RAN: variants seen among roughly 807,000 people sequenced by gnomAD.
RAN encodes GTP-binding nuclear protein Ran.
Under a neutral mutation model 26.8 loss-of-function variants are expected in RAN, and 2 were observed. That is an observed-to-expected ratio of 0.07 (90% confidence interval 0.03 to 0.23). RAN has a LOEUF of 0.23. Among genes scored for constraint, RAN ranks in the 10% least tolerant of loss-of-function variants. The pLI is 1.00. For missense variants in RAN, 56 were observed against 264.8 expected, an observed-to-expected ratio of 0.21 and a Z score of 5.47; for synonymous variants, 132 against 95.9, an observed-to-expected ratio of 1.38 and a Z score of -2.20.
chr12:130,873,498 C>A, intron 4 of RAN: 1 of 241,420 alleles, frequency 4.1e-6, no homozygotes, highest in South Asian at 4.9e-5. Context: ...CAATAAACAC[C>A]AGATACTAGA....
In RAN at chr12:130,872,604, A is replaced by C. The variant is rs1210951858; in HGVS notation, c.11A>C (p.Gln4Pro). 6.6e-7 allele frequency: 1 copy of C among 1,524,646 alleles called. No homozygotes were observed. Among genetic ancestry groups the C allele is most frequent in the East Asian group, 2.4e-5 (1 of 41,386 alleles). The allele number at this position is 1,524,646 out of a possible 1,614,324, so 94.4% of individuals were successfully genotyped here. A position where few individuals can be genotyped will look rare whatever the true frequency, so the allele number is the denominator to read the frequency against. ...CGCAGGAACGCCGCGATGGCTGCGC[A>C]GGGAGAGCCCCAGGTCCAGTTCAAA... The part of the protein sequence containing the change: MAA[Q>P]GEPQVQFKLV... Residue 4 changes from glutamine (Q) to proline (P), a missense_variant, in exon 2 of 7, where the codon CAG becomes CCG. Coordinates refer to ENST00000543796, the MANE Select transcript of RAN (RefSeq NM_006325.5).
intron 4 of RAN, chr12:130,874,296 T>A (rs1953197384): frequency 4.8e-6 from 2 of 412,724 alleles, no homozygotes; most frequent in Admixed American, 4.2e-5. Context: ...CTTCAGATAC[T>A]TTTTTGGGAT....
Position 130,874,688 on chromosome 12 carries a change from A to G in RAN, c.390A>G (p.Lys130=). ...ACAAAGTGGATATTAAGGACAGGAA[A>G]GTGAAGGCGAAATCCATTGTCTTCC... The part of the protein sequence containing the change: ...CGNKVDIKDR[K]VKAKSIVFHR... Residue 130 remains lysine, a synonymous_variant, in exon 5 of 7, where the codon AAA becomes AAG. Coordinates refer to ENST00000543796, the MANE Select transcript of RAN (RefSeq NM_006325.5). The G allele has an allele frequency of 1.2e-6, 2 of 1,613,712 alleles. No individual in the cohort carries two copies. The highest frequency in any genetic ancestry group is 1.7e-6 in the Non-Finnish European group (2 of 1,179,756).
At chr12:130,875,305 C>G (rs920983406) in intron 5 of RAN, among the ~76,000 whole-genome samples, 1 of 152,110 alleles carries the variant, frequency 6.6e-6, no homozygotes, top group Non-Finnish European at 1.5e-5. Flanking sequence ...CACTGTAGCC[C>G]TGAACTCCTG....
intron 4 of RAN, 129 bp downstream of exon 4, chr12:130,873,257 C>T (rs541545656): frequency 1.5e-6 from 2 of 1,299,252 alleles, no homozygotes; most frequent in Non-Finnish European, 2.1e-6. Flanking sequence ...AAGTGGACTT[C>T]GGGGAGTTGA....
At position 130,873,133 on chromosome 12, in the gene RAN, G is replaced by A. The variant is rs764826691; in HGVS notation, c.247+5G>A. On this transcript the variant is annotated splice_donor_5th_base_variant and intron_variant, in intron 4 of 6. Transcript: ENST00000543796. ...GAGATGGCTATTATATCCAAGGTAG[G>A]CATTTGTAACTTGCTGAACGGTTTT... is the stretch of plus-strand genomic sequence containing the variant. 15 of 1,613,982 alleles carry A rather than the reference G, an allele frequency of 9.3e-6. No homozygotes were observed. Among genetic ancestry groups the A allele is most frequent in the East Asian group, 2.2e-5 (1 of 44,898 alleles).
intron 5 of RAN, 33 bp from the exon 6 acceptor site, chr12:130,875,579 T>A: frequency 6.6e-7 from 1 of 1,509,660 alleles, no homozygotes; most frequent in Non-Finnish European, 8.9e-7. Flanking sequence ...AATAATGAAT[T>A]TTAAAAAGTA....
At chr12:130,873,178 C>T (rs202101584) in intron 4 of RAN, 50 bp downstream of exon 4, 26 of 1,611,076 alleles carry the variant, frequency 1.6e-5, no homozygotes, top group South Asian at 2.2e-5. Context: ...TTGTGTACTT[C>T]AGTCTTCAAG....
intron 1 of RAN, 125 bp from the exon 2 acceptor site, chr12:130,872,459 C>A: frequency 5.7e-6 from 3 of 522,664 alleles, no homozygotes; most frequent in Non-Finnish European, 7.9e-6. Context: ...CAGGCCTGGC[C>A]GCCATGGCGC....
At chr12:130,874,469 A>G in intron 4 of RAN, 77 bp from the exon 5 acceptor site, 2 of 1,197,176 alleles carry the variant, frequency 1.7e-6, no homozygotes, top group Non-Finnish European at 1.2e-6. Flanking sequence ...AACTAGTTGA[A>G]TCCTAGTCTC....
At chr12:130,873,516 A>G in intron 4 of RAN, 1 of 204,146 alleles carries the variant, frequency 4.9e-6, no homozygotes, top group Admixed American at 5.3e-5. Flanking sequence ...AGACCAGAGG[A>G]GATAGGAGAT....
rs866022767 is a variant in RAN at position 130,876,671 on chromosome 12, A to G, written c.*745A>G. The G allele has an allele frequency of 6.6e-6, 1 of 152,250 alleles. No individual in the cohort carries two copies. The highest frequency in any genetic ancestry group is 1.5e-5 in the Non-Finnish European group (1 of 68,050). The allele number at this position is 152,250 out of a possible 1,614,324, so 9.4% of individuals were successfully genotyped here. ...AGGGTAATATTTTCTTTTATGGCAA[A>G]AGTAATCATGTTTTAATGTAGAACC... is the stretch of plus-strand genomic sequence containing the variant. On this transcript the variant is annotated 3_prime_UTR_variant, in exon 7 of 7. Transcript: ENST00000543796.
intron 4 of RAN, chr12:130,873,647 A>C (rs1162722235): frequency 6.2e-6 from 1 of 160,884 alleles, no homozygotes. Context: ...CATTGTACCA[A>C]AAAGAGGAAT....
Position 130,872,587 on chromosome 12 carries a change from C to T in RAN, c.-7C>T. The T allele has an allele frequency of 6.6e-7, 1 of 1,515,308 alleles. No homozygotes were observed. The highest frequency in any genetic ancestry group is 8.8e-7 in the Non-Finnish European group (1 of 1,135,664). 93.9% of individuals were successfully genotyped at this position (1,515,308 alleles called of 1,614,324 possible). ...CCTCCGTCCTCTGCCTCCGCAGGAA[C>T]GCCGCGATGGCTGCGCAGGGAGAGC... is the stretch of plus-strand genomic sequence containing the variant. On this transcript the variant is annotated 5_prime_UTR_variant, in exon 2 of 7. It adds an upstream start codon to the 5' untranslated region. Coordinates refer to ENST00000543796, the MANE Select transcript of RAN (RefSeq NM_006325.5).
At chr12:130,874,479 C>T in intron 4 of RAN, 67 bp from the exon 5 acceptor site, 2 of 1,310,942 alleles carry the variant, frequency 1.5e-6, no homozygotes, top group Non-Finnish European at 2.1e-6. Context: ...ATCCTAGTCT[C>T]TGGTTCTTAG....
Position 130,875,493 on chromosome 12 carries a change from A to T in RAN, c.436-119A>T. On this transcript the variant is annotated intron_variant, in intron 5 of 6. Transcript: ENST00000543796. ...CAGCCCCCGAAAGTGCTGGGATTAC[A>T]GGCATGAGCCACCATGCCTTGCCAA... 4.3e-6 allele frequency: 4 copies of T among 936,350 alleles called. No homozygotes were observed. The South Asian group carries it at 5.3e-5, about 12-fold the overall frequency. 58.0% of individuals were successfully genotyped at this position (936,350 alleles called of 1,614,324 possible).
Position 130,875,740 on chromosome 12 carries a change from C to T in RAN, c.564C>T (p.Val188=), listed in dbSNP as rs199809948. 52 of 1,613,950 alleles carry T rather than the reference C, an allele frequency of 3.2e-5. No individual in the cohort carries two copies. Among genetic ancestry groups the T allele is most frequent in the Non-Finnish European group, 4.2e-5 (49 of 1,179,990 alleles). The change falls in exon 6 of 7, where the codon GTC becomes GTT. Residue 188 remains valine, a synonymous_variant. Transcript: ENST00000543796. Reference sequence around the variant, plus strand: ...CTGCTCTCGCCCCACCAGAAGTTGTCATGGACCCAGCTTTGGCAGCACAGT... The same window carrying T: ...CTGCTCTCGCCCCACCAGAAGTTGTTATGGACCCAGCTTTGGCAGCACAGT... ...AMPALAPPEV[V]MDPALAAQYE...
rs1953257709 is a variant in RAN at position 130,876,972 on chromosome 12, G to C, written c.*1046G>C. 6.6e-6 allele frequency: 1 copy of C among 152,010 alleles called. No individual in the cohort carries two copies. The highest frequency in any genetic ancestry group is 6.6e-5 in the Admixed American group (1 of 15,244). The allele number at this position is 152,010 out of a possible 1,614,324, so 9.4% of individuals were successfully genotyped here. On this transcript the variant is annotated 3_prime_UTR_variant, in exon 7 of 7. Coordinates refer to ENST00000543796, the MANE Select transcript of RAN (RefSeq NM_006325.5). Reference sequence around the variant, plus strand: ...TTTTGTAGGGCAGCACAGCAGAGCAGGACATGGATGAAATACTAGGAATAT... The same window carrying C: ...TTTTGTAGGGCAGCACAGCAGAGCACGACATGGATGAAATACTAGGAATAT...
At chr12:130,873,823 C>T (rs539990678) in intron 4 of RAN, 321 of 162,668 alleles carry the variant, frequency 2.0e-3, no homozygotes, top group Middle Eastern at 3.3e-3. Flanking sequence ...GCTAACTGTA[C>T]CATAGTTATT....
Sources: allele counts gnomAD v4.1 joint callset (sites outside exome capture counted in the v4.1 genomes callset), GRCh38; gene constraint gnomAD v4.1.1; transcripts MANE v1.5; gene names NCBI Gene and HGNC (gene_info 2026-07-23, HGNC 2026-07-21).